CAMK2D: variants seen among roughly 807,000 people sequenced by gnomAD.
CAMK2D encodes calcium/calmodulin dependent protein kinase II delta.
CAMK2D carries 37 observed loss-of-function variants against 84.0 expected under a neutral mutation model. The observed-to-expected ratio is 0.44, with a 90% CI of 0.34 to 0.58. CAMK2D has a LOEUF of 0.58. Ranked by LOEUF, CAMK2D falls within the 20% of genes least tolerant of loss-of-function variation. The probability of loss-of-function intolerance (pLI) is 0.02; values close to 1 mark genes in which losing one functional copy is unlikely to be tolerated. For synonymous variants in CAMK2D, 202 were observed against 212.5 expected (o/e 0.95, Z 0.43); for missense variants, 448 against 652.5 (o/e 0.69, Z 3.41).
rs1310378102 is a variant in CAMK2D at position 113,454,152 on chromosome 4, A to G, written c.*393T>C. ...CAGCAAAGAGTTCTAAAAAATTTAC[A>G]TTTCTCTTACAACTGTCATTCAGAG... On this transcript the variant is annotated 3_prime_UTR_variant, in exon 21 of 21. Coordinates refer to ENST00000511664, the MANE Select transcript of CAMK2D (RefSeq NM_001321571.2). The G allele has an allele frequency of 5.9e-6, 1 of 169,848 alleles. No individual in the cohort carries two copies. The highest frequency in any genetic ancestry group is 2.4e-5 in the African/African-American group (1 of 42,080). The allele number at this position is 169,848 out of a possible 1,614,324, so 10.5% of individuals were successfully genotyped here.
At chr4:113,498,431 C>G (rs994009393) in intron 16 of CAMK2D, among the ~76,000 whole-genome samples, 1 of 152,138 alleles carries the variant, frequency 6.6e-6, no homozygotes, top group Non-Finnish European at 1.5e-5. Flanking sequence ...CTGGGTCTTA[C>G]AGAGAACACA....
intron 2 of CAMK2D, among the ~76,000 whole-genome samples, chr4:113,706,975 A>G (rs1040791525): frequency 1.3e-5 from 2 of 151,966 alleles, no homozygotes; most frequent in Admixed American, 1.3e-4. Context: ...CTTTCCTGTC[A>G]TTTTGCAAAA....
At chr4:113,529,752 G>A (rs1044025592) in intron 8 of CAMK2D, among the ~76,000 whole-genome samples, 3 of 152,050 alleles carry the variant, frequency 2.0e-5, no homozygotes, top group African/African-American at 4.8e-5. Context: ...CTGTCCCCTC[G>A]GGATGGTCAA....
chr4:113,455,865 G>A, intron 19 of CAMK2D, 44 bp from the exon 20 acceptor site: 1 of 1,200,934 alleles, frequency 8.3e-7, no homozygotes, highest in Non-Finnish European at 1.2e-6. Flanking sequence ...ATAAAATGAA[G>A]TTTTCTTGAA....
chr4:113,495,064 C>T (rs1003477191), intron 16 of CAMK2D, among the ~76,000 whole-genome samples: 2 of 152,166 alleles, frequency 1.3e-5, no homozygotes, highest in Non-Finnish European at 2.9e-5. Flanking sequence ...GAGATGAACC[C>T]GGTACCTCAG....
At chr4:113,712,629 T>C (rs191966651) in intron 2 of CAMK2D, among the ~76,000 whole-genome samples, 1 of 152,114 alleles carries the variant, frequency 6.6e-6, no homozygotes, top group Non-Finnish European at 1.5e-5. Context: ...TTTCTGAAAT[T>C]GTAAAAATGG....
chr4:113,729,065 T>C (rs918182071), intron 2 of CAMK2D, among the ~76,000 whole-genome samples: 1 of 150,142 alleles, frequency 6.7e-6, no homozygotes, highest in Non-Finnish European at 1.5e-5. Flanking sequence ...AAATGGACAA[T>C]GGAAAGACAC....
chr4:113,461,988 T>C (rs1382149209), intron 17 of CAMK2D, among the ~76,000 whole-genome samples: 1 of 152,204 alleles, frequency 6.6e-6, no homozygotes, highest in African/African-American at 2.4e-5. Flanking sequence ...ACAGTAACCT[T>C]CACTTCAGAT....
intron 2 of CAMK2D, among the ~76,000 whole-genome samples, chr4:113,749,073 T>G (rs1425981957): frequency 6.6e-6 from 1 of 151,818 alleles, no homozygotes; most frequent in African/African-American, 2.4e-5. Context: ...GCCACTATGA[T>G]TAAAGGCTTT....
intron 3 of CAMK2D, among the ~76,000 whole-genome samples, chr4:113,614,212 A>G (rs1200956995): frequency 1.3e-5 from 2 of 152,124 alleles, no homozygotes; most frequent in Non-Finnish European, 2.9e-5. Context: ...ATTTTATGAA[A>G]TTATTTATAT....
intron 3 of CAMK2D, among the ~76,000 whole-genome samples, chr4:113,619,966 A>G (rs1045041613): frequency 1.2e-4 from 18 of 152,200 alleles, no homozygotes; most frequent in Non-Finnish European, 1.5e-5. Context: ...ATGAAGAATG[A>G]TGGCAGAAGT....
chr4:113,671,117 G>T (rs910079550), intron 2 of CAMK2D, among the ~76,000 whole-genome samples: 1 of 152,046 alleles, frequency 6.6e-6, no homozygotes, highest in African/African-American at 2.4e-5. Flanking sequence ...TAAGAATTAA[G>T]TACACGAATT....
intron 13 of CAMK2D, among the ~76,000 whole-genome samples, chr4:113,506,000 G>A (rs1368238367): frequency 1.3e-5 from 2 of 151,936 alleles, no homozygotes; most frequent in East Asian, 3.9e-4. Flanking sequence ...AAAAATGTAA[G>A]GTAACGTTCA....
intron 3 of CAMK2D, among the ~76,000 whole-genome samples, chr4:113,622,474 AAAT>A (rs1234683421): frequency 1.3e-5 from 2 of 152,150 alleles, no homozygotes; most frequent in African/African-American, 4.8e-5. Context: ...GTTAGGAAAA[AAAT>A]AATATAGCTG....
chr4:113,722,010 T>C (rs1056718326), intron 2 of CAMK2D, among the ~76,000 whole-genome samples: 1 of 152,208 alleles, frequency 6.6e-6, no homozygotes, highest in African/African-American at 2.4e-5. Flanking sequence ...TCCCTTTAAG[T>C]TACTCATCAC....
chr4:113,556,315 C>A (rs1383359560), intron 4 of CAMK2D, among the ~76,000 whole-genome samples: 1 of 152,088 alleles, frequency 6.6e-6, no homozygotes, highest in South Asian at 2.1e-4. Context: ...CTAGCTTGCC[C>A]CTTGGACACA....
rs1451416786 is a variant in CAMK2D, at chr4:113,545,970, C to T, written c.414+1674G>A. Among the ~76,000 whole-genome samples, 4 of 152,110 alleles carry T rather than the reference C, an allele frequency of 2.6e-5. No individual in the cohort carries two copies. In the East Asian group the frequency reaches 7.7e-4, roughly 29 times the overall value. On this transcript the variant is annotated intron_variant, in intron 6 of 20. Transcript: ENST00000511664. ...CAGAGAATATATTTTTCTTCACAGC[C>T]CATGTCCTATTAAAGTTCCAGTCTT...
At chr4:113,525,690 C>G (rs976063523) in intron 8 of CAMK2D, among the ~76,000 whole-genome samples, 1 of 152,054 alleles carries the variant, frequency 6.6e-6, no homozygotes, top group Non-Finnish European at 1.5e-5. Context: ...ATACCAATGC[C>G]CTGCTTCACT....
At chr4:113,663,620 T>A (rs2099245396) in intron 2 of CAMK2D, among the ~76,000 whole-genome samples, 1 of 149,600 alleles carries the variant, frequency 6.7e-6, no homozygotes, top group Admixed American at 6.7e-5. Flanking sequence ...ATAATAATAA[T>A]AAAGTACATG....
Sources: allele counts gnomAD v4.1 joint callset (sites outside exome capture counted in the v4.1 genomes callset), GRCh38; gene constraint gnomAD v4.1.1; transcripts MANE v1.5; gene names NCBI Gene and HGNC (gene_info 2026-07-23, HGNC 2026-07-21).